Variants in GLDC observed in about 807,000 individuals in gnomAD.
GLDC encodes glycine dehydrogenase (decarboxylating), mitochondrial.
In GLDC, 104 loss-of-function variants were observed where a neutral mutation model predicts 121.3. The ratio of observed to expected loss-of-function variants is 0.86; its 90% CI spans 0.73 to 1.01. The LOEUF is 1.01. Ranked by LOEUF, GLDC falls within the 50% of genes least tolerant of loss-of-function variation. The pLI, the probability that GLDC is intolerant of heterozygous loss-of-function variation, is 0.00. For synonymous variants in GLDC, 546 were observed against 480.6 expected (o/e 1.14, Z -1.78); for missense variants, 1,429 against 1,306.6 (o/e 1.09, Z -1.44).
rs3215923 is a variant in GLDC, at chr9:6,553,514, A to ATT, written c.2316-7_2316-6dup. 791 of 1,601,750 alleles carry ATT rather than the reference A, an allele frequency of 4.9e-4. 5 individuals carry two copies. The African/African-American group carries it at 8.8e-3, about 18-fold the overall frequency. On this transcript the variant is annotated splice_region_variant and splice_polypyrimidine_tract_variant and intron_variant, in intron 19 of 24. Coordinates refer to ENST00000321612, the MANE Select transcript of GLDC (RefSeq NM_000170.3). ...AACGGGGCGAGATGTTTCTTCCTGT[A>ATT]TTTTTTTTAAGTGCAAATTCAGAAA...
At chr9:6,610,828 G>A (rs1272428926) in intron 3 of GLDC, among the ~76,000 whole-genome samples, 1 of 152,252 alleles carries the variant, frequency 6.6e-6, no homozygotes, top group African/African-American at 2.4e-5. Flanking sequence ...TTGAACTCCT[G>A]AGCTCAAGCA....
intron 7 of GLDC, among the ~76,000 whole-genome samples, 172 bp from the exon 8 acceptor site, chr9:6,602,377 A>G (rs1467996255): frequency 7.0e-6 from 1 of 142,376 alleles, no homozygotes; most frequent in Non-Finnish European, 1.5e-5. Context: ...ATGATTACTG[A>G]TTTTTTTTTT....
chr9:6,576,436 C>T (rs1346881555), intron 15 of GLDC, among the ~76,000 whole-genome samples: 2 of 151,984 alleles, frequency 1.3e-5, no homozygotes, highest in Non-Finnish European at 2.9e-5. Context: ...CTCCTAATGC[C>T]GTCACCTTGG....
Position 6,606,985 on chromosome 9 carries a change from C to T in GLDC, c.636-316G>A, listed in dbSNP as rs374308838. ...GGCTGAGGCCAGAGAATCACTTGAA[C>T]CAGGGAGGCCGAGGTTGCAGTGAGC... On this transcript the variant is annotated intron_variant, in intron 4 of 24. Coordinates refer to ENST00000321612, the MANE Select transcript of GLDC (RefSeq NM_000170.3). 3.3e-3 allele frequency among the ~76,000 whole-genome samples: 506 copies of T among 152,084 alleles called. 7 individuals are homozygous for T. The highest frequency in any genetic ancestry group is 0.011 in the African/African-American group (474 of 41,484).
At chr9:6,626,985 A>G (rs2129972188) in intron 2 of GLDC, among the ~76,000 whole-genome samples, 2 of 152,278 alleles carry the variant, frequency 1.3e-5, no homozygotes, top group African/African-American at 4.8e-5. Flanking sequence ...TTAATTAAAT[A>G]CCTGAAATTT....
intron 21 of GLDC, among the ~76,000 whole-genome samples, chr9:6,543,271 T>C (rs1199498796): frequency 1.3e-5 from 2 of 152,096 alleles, no homozygotes; most frequent in African/African-American, 4.8e-5. Flanking sequence ...CAAGACCGTC[T>C]CTTAAACAAA....
Position 6,562,361 on chromosome 9 carries a change from G to A in GLDC, c.1926+2993C>T, listed in dbSNP as rs144028531. Among the ~76,000 whole-genome samples, 144 of 152,214 alleles carry A rather than the reference G, an allele frequency of 9.5e-4. 1 individual carries two copies. The highest frequency in any genetic ancestry group is 3.2e-3 in the African/African-American group (134 of 41,528). ...ACCCATCAGGAGCCCAGGCACTTCT[G>A]TAGCACATGATTTCCCCACACTCCC... On this transcript the variant is annotated intron_variant, in intron 16 of 24. Transcript: ENST00000321612.
intron 4 of GLDC, among the ~76,000 whole-genome samples, chr9:6,607,400 T>C (rs557989496): frequency 2.0e-5 from 3 of 152,012 alleles, no homozygotes; most frequent in East Asian, 2.0e-4. Flanking sequence ...CTGACCAACA[T>C]AGCAAAACCC....
chr9:6,542,789 G>A (rs1172487720), intron 21 of GLDC, among the ~76,000 whole-genome samples: 1 of 150,812 alleles, frequency 6.6e-6, no homozygotes, highest in Non-Finnish European at 1.5e-5. Flanking sequence ...GTAAGGCTGA[G>A]GTGGGAGAAT....
Position 6,617,457 on chromosome 9 carries a change from C to A in GLDC, c.470+2727G>T, listed in dbSNP as rs546022896. Among the ~76,000 whole-genome samples the A allele has an allele frequency of 5.3e-5, 8 of 152,122 alleles. No homozygotes were observed. The South Asian group carries it at 1.7e-3, about 32-fold the overall frequency. On this transcript the variant is annotated intron_variant, in intron 3 of 24. Coordinates refer to ENST00000321612, the MANE Select transcript of GLDC (RefSeq NM_000170.3). ...TGGAATGCTGCAGCCCGTTCATGTA[C>A]TTTTGAGGCTTTTCTTAAGGGGGAA...
chr9:6,639,249 A>C (rs772205994), intron 2 of GLDC: 15 of 920,258 alleles, frequency 1.6e-5, no homozygotes, highest in Non-Finnish European at 2.7e-5. Flanking sequence ...CAGCCACAAA[A>C]AAAAAGAAGA....
Position 6,593,119 on chromosome 9 carries a change from T to A in GLDC, c.1262-129A>T, listed in dbSNP as rs576713481. 151 of 912,852 alleles carry A rather than the reference T, an allele frequency of 1.7e-4. No individual in the cohort carries two copies. In the East Asian group the frequency reaches 3.8e-3, roughly 23 times the overall value. The allele number at this position is 912,852 out of a possible 1,614,324, so 56.5% of individuals were successfully genotyped here. On this transcript the variant is annotated intron_variant, in intron 9 of 24. Coordinates refer to ENST00000321612, the MANE Select transcript of GLDC (RefSeq NM_000170.3). Reference sequence around the variant, plus strand: ...TGGTCCTGGGGAGTGCTTTGGTGATTGCTTTTTAAAAAACTAAACATGTTT... The same window carrying A: ...TGGTCCTGGGGAGTGCTTTGGTGATAGCTTTTTAAAAAACTAAACATGTTT...
intron 2 of GLDC, among the ~76,000 whole-genome samples, chr9:6,630,777 A>G (rs1018638323): frequency 2.0e-5 from 3 of 152,048 alleles, no homozygotes; most frequent in Non-Finnish European, 4.4e-5. Flanking sequence ...TTCTGAAGGG[A>G]AGTCAGAATT....
intron 8 of GLDC, among the ~76,000 whole-genome samples, chr9:6,601,174 A>G (rs1818602795): frequency 6.6e-6 from 1 of 152,124 alleles, no homozygotes; most frequent in Non-Finnish European, 1.5e-5. Context: ...CTCTGTCTCG[A>G]AAAAACAAAA....
chr9:6,609,794 C>G (rs1190399484), intron 4 of GLDC, among the ~76,000 whole-genome samples: 1 of 152,254 alleles, frequency 6.6e-6, no homozygotes, highest in South Asian at 2.1e-4. Context: ...CCTGAACAAC[C>G]CTGCTGGCCC....
intron 16 of GLDC, among the ~76,000 whole-genome samples, chr9:6,560,515 T>G (rs1817732152): frequency 6.6e-6 from 1 of 152,242 alleles, no homozygotes; most frequent in Admixed American, 6.5e-5. Context: ...TTTTCTTTAA[T>G]TTCTGAGGAC....
At chr9:6,545,528 G>T (rs1213973659) in intron 21 of GLDC, among the ~76,000 whole-genome samples, 1 of 152,158 alleles carries the variant, frequency 6.6e-6, no homozygotes, top group Non-Finnish European at 1.5e-5. Context: ...GAACGGGAAG[G>T]TCTAGGACAT....
At chr9:6,619,101 C>T (rs927063588) in intron 3 of GLDC, among the ~76,000 whole-genome samples, 1 of 139,278 alleles carries the variant, frequency 7.2e-6, no homozygotes, top group Non-Finnish European at 1.5e-5. Flanking sequence ...CAAGATCATC[C>T]CACTGCACTC....
intron 2 of GLDC, among the ~76,000 whole-genome samples, chr9:6,643,140 C>G (rs1365268337): frequency 1.3e-5 from 2 of 152,066 alleles, no homozygotes; most frequent in Admixed American, 1.3e-4. Flanking sequence ...TCAAGCGATC[C>G]ACCTGCCTAG....
Sources: gnomAD v4.1 joint callset for allele counts (sites outside exome capture counted in the v4.1 genomes callset) on GRCh38, gnomAD v4.1.1 for gene constraint, MANE v1.5 for transcripts, NCBI Gene and HGNC (gene_info 2026-07-23, HGNC 2026-07-21) for gene names.